Variants in SOX6 observed in about 807,000 individuals in gnomAD.
The protein encoded by SOX6 is SRY-box transcription factor 6.
SOX6 carries 11 observed loss-of-function variants against 97.8 expected under a neutral mutation model. That is an observed-to-expected ratio of 0.11 (90% confidence interval 0.07 to 0.19). The LOEUF is 0.19. SOX6 is among the 10% of genes least tolerant of loss of function. The probability of loss-of-function intolerance (pLI) is 1.00; values close to 1 mark genes in which losing one functional copy is unlikely to be tolerated. For synonymous variants in SOX6, 360 were observed against 371.4 expected (o/e 0.97, Z 0.35); for missense variants, 810 against 1,039.5 (o/e 0.78, Z 3.04).
chr11:16,536,442 T>G (rs1861308955), intron 4 of SOX6, among the ~76,000 whole-genome samples: 1 of 152,178 alleles, frequency 6.6e-6, no homozygotes, highest in Non-Finnish European at 1.5e-5. Flanking sequence ...TTCATCTCAC[T>G]GGGACTGGTT....
intron 4 of SOX6, among the ~76,000 whole-genome samples, chr11:16,596,418 G>A (rs1224939148): frequency 6.6e-6 from 1 of 152,274 alleles, no homozygotes; most frequent in East Asian, 1.9e-4. Flanking sequence ...AGCCTTTCTA[G>A]GAATCACAAA....
chr11:16,652,691 A>C (rs189162266), intron 3 of SOX6, among the ~76,000 whole-genome samples: 44 of 152,322 alleles, frequency 2.9e-4, no homozygotes, highest in African/African-American at 9.9e-4. Flanking sequence ...ACTCTTCTAG[A>C]CATTGACTTA....
At chr11:16,548,684 A>G (rs1847647307) in intron 4 of SOX6, among the ~76,000 whole-genome samples, 1 of 152,166 alleles carries the variant, frequency 6.6e-6, no homozygotes, top group Non-Finnish European at 1.5e-5. Context: ...AGGGAGTAGG[A>G]GGATGGGAAG....
In SOX6 at chr11:15,967,279, T is replaced by C. The variant is rs2119717265; in HGVS notation, c.*5530A>G. The C allele has an allele frequency of 6.6e-6, 1 of 152,336 alleles. No homozygotes were observed. Among genetic ancestry groups the C allele is most frequent in the East Asian group, 1.9e-4 (1 of 5,184 alleles). 9.4% of individuals were successfully genotyped at this position (152,336 alleles called of 1,614,324 possible). A position where few individuals can be genotyped will look rare whatever the true frequency, so the allele number is the denominator to read the frequency against. On this transcript the variant is annotated 3_prime_UTR_variant, in exon 16 of 16. Transcript: ENST00000683767. ...ATTCAAGGGCCACACCCAGTGTTGC[T>C]ATAGGAACCAAAGCACAGTACCTTG... is the stretch of plus-strand genomic sequence containing the variant.
chr11:16,326,571 TTCTAAG>T (rs1856101167), intron 2 of SOX6, among the ~76,000 whole-genome samples: 1 of 152,188 alleles, frequency 6.6e-6, no homozygotes, highest in South Asian at 2.1e-4. Context: ...GATGACTACC[TTCTAAG>T]TCTTTTTGTT....
intron 11 of SOX6, 94 bp downstream of exon 11, chr11:16,049,661 G>T: frequency 1.4e-6 from 2 of 1,408,468 alleles, no homozygotes; most frequent in Non-Finnish European, 2.0e-6. Flanking sequence ...TTACTAAGGA[G>T]CACTTTGGAA....
At chr11:16,665,641 C>A (rs979969137) in intron 3 of SOX6, among the ~76,000 whole-genome samples, 1 of 152,170 alleles carries the variant, frequency 6.6e-6, no homozygotes, top group Non-Finnish European at 1.5e-5. Context: ...AGGACACAAG[C>A]CTGGCTGGCT....
intron 3 of SOX6, chr11:16,284,013 G>C (rs1318376268): frequency 1.1e-5 from 3 of 277,952 alleles, no homozygotes; most frequent in Non-Finnish European, 2.1e-5. Flanking sequence ...TTAATAATGA[G>C]ATAGAATACT....
intron 2 of SOX6, among the ~76,000 whole-genome samples, chr11:16,721,538 CTCTCTCTCTCT>C (rs1848262780): frequency 1.4e-5 from 1 of 71,380 alleles, no homozygotes; most frequent in Non-Finnish European, 2.8e-5. Context: ...CTCTCTCTCT[CTCTCTCTCTCT>C]CTTCCCCCCC....
intron 6 of SOX6, among the ~76,000 whole-genome samples, chr11:16,118,434 C>T (rs544815157): frequency 7.9e-5 from 12 of 152,224 alleles, no homozygotes; most frequent in African/African-American, 2.7e-4. Flanking sequence ...TCTGTCTCTT[C>T]CAATTCATAA....
At chr11:16,437,891 T>C (rs1565145887) in intron 1 of SOX6, among the ~76,000 whole-genome samples, 1 of 152,218 alleles carries the variant, frequency 6.6e-6, no homozygotes, top group Non-Finnish European at 1.5e-5. Context: ...GTCTGGTATA[T>C]GGTATATGCT....
At chr11:16,565,924 G>A (rs1450835937) in intron 4 of SOX6, among the ~76,000 whole-genome samples, 23 of 151,832 alleles carry the variant, frequency 1.5e-4, no homozygotes, top group Non-Finnish European at 2.8e-4. Flanking sequence ...GTGAAACCCC[G>A]TCTCTACTAA....
chr11:16,706,449 C>CAAAAAA lies in SOX6; in HGVS notation n.429+8375_429+8380dup, dbSNP rs71047512. Among the ~76,000 whole-genome samples the CAAAAAA allele has an allele frequency of 2.0e-3, 5 of 2,450 alleles. 2 individuals carry two copies. Among genetic ancestry groups the CAAAAAA allele is most frequent in the Admixed American group, 0.023 (2 of 88 alleles). The allele number at this position is 2,450 out of a possible 152,430, so 1.6% of individuals were successfully genotyped here. On this transcript the variant is annotated intron_variant and non_coding_transcript_variant, in intron 3 of 5. Transcript: ENST00000524520. The stretch of plus-strand genomic sequence containing the variant: ...TGGGTGAAAGAGTGAGAACCTATCA[C>CAAAAAA]AAAAAAAAAAAAAAAAAAAAAAATA...
intron 3 of SOX6, among the ~76,000 whole-genome samples, chr11:16,279,966 A>G (rs1458525299): frequency 1.3e-5 from 2 of 152,104 alleles, no homozygotes; most frequent in African/African-American, 4.8e-5. Flanking sequence ...AAAGGGTGAA[A>G]ACAATTTCAA....
intron 9 of SOX6, among the ~76,000 whole-genome samples, chr11:16,076,657 G>C (rs985849414): frequency 6.6e-6 from 1 of 151,104 alleles, no homozygotes; most frequent in Non-Finnish European, 1.5e-5. Flanking sequence ...TTATAATCAT[G>C]ATGGAAGGCG....
At chr11:16,015,366 A>T in intron 12 of SOX6, 1 of 354,872 alleles carries the variant, frequency 2.8e-6, no homozygotes, top group South Asian at 3.2e-5. Context: ...GGGTTGAGCC[A>T]ACAATGCAAA....
intron 4 of SOX6, among the ~76,000 whole-genome samples, chr11:16,227,195 T>C (rs1433127344): frequency 6.6e-6 from 1 of 152,200 alleles, no homozygotes; most frequent in African/African-American, 2.4e-5. Context: ...AAATTATTTA[T>C]TGACAGGAAA....
At chr11:16,731,221 G>A (rs1848347208) in intron 2 of SOX6, among the ~76,000 whole-genome samples, 1 of 152,098 alleles carries the variant, frequency 6.6e-6, no homozygotes, top group South Asian at 2.1e-4. Context: ...TAGAAAAAGA[G>A]CGACTCCTCC....
intron 6 of SOX6, among the ~76,000 whole-genome samples, chr11:16,148,227 C>A (rs750327463): frequency 7.2e-4 from 110 of 152,174 alleles, no homozygotes; most frequent in South Asian, 1.7e-3. Context: ...CCACCCATAG[C>A]CTTTTTTTAT....
Sources: gnomAD v4.1 joint callset for allele counts (sites outside exome capture counted in the v4.1 genomes callset) on GRCh38, gnomAD v4.1.1 for gene constraint, MANE v1.5 for transcripts, NCBI Gene and HGNC (gene_info 2026-07-23, HGNC 2026-07-21) for gene names.